MTA3: variants seen among roughly 807,000 people sequenced by gnomAD.
MTA3 encodes metastasis-associated protein MTA3.
A neutral mutation model predicts 83.5 loss-of-function variants in MTA3; 34 were observed. That is an observed-to-expected ratio of 0.41 (90% CI 0.31 to 0.54). The LOEUF (loss-of-function observed/expected upper bound fraction) is 0.54, where lower values mean the gene tolerates loss of function less well. MTA3 is among the 20% of genes least tolerant of loss of function. The pLI, the probability that MTA3 is intolerant of heterozygous loss-of-function variation, is 0.33. For synonymous variants in MTA3, 303 were observed against 252.7 expected, an observed-to-expected ratio of 1.20 and a Z score of -1.89; for missense variants, 761 against 726.4, an observed-to-expected ratio of 1.05 and a Z score of -0.55.
chr2:42,742,130 C>T (rs1971138), intron 16 of MTA3, among the ~76,000 whole-genome samples: 95,722 of 149,784 alleles, frequency 0.64, 30,615 homozygotes, highest in East Asian at 0.79. Flanking sequence ...CCATCACTTT[C>T]TTTCTTTCTT....
At chr2:42,702,140 G>T (rs933791749) in intron 11 of MTA3, among the ~76,000 whole-genome samples, 6 of 152,208 alleles carry the variant, frequency 3.9e-5, no homozygotes, top group African/African-American at 1.4e-4. Context: ...GAACCTGGGA[G>T]GTGGAGGTTG....
At chr2:42,669,662 A>T (rs1690619425) in intron 8 of MTA3, among the ~76,000 whole-genome samples, 1 of 152,182 alleles carries the variant, frequency 6.6e-6, no homozygotes, top group Admixed American at 6.5e-5. Flanking sequence ...TTTGTTGATG[A>T]TCTATTACAG....
chr2:42,749,916 C>G (rs186613665), intron 16 of MTA3, among the ~76,000 whole-genome samples: 1 of 152,196 alleles, frequency 6.6e-6, no homozygotes, highest in African/African-American at 2.4e-5. Flanking sequence ...GAAAAAACAA[C>G]ATACTATGTA....
chr2:42,710,522 G>A (rs954184118), intron 14 of MTA3, among the ~76,000 whole-genome samples: 1 of 132,198 alleles, frequency 7.6e-6, no homozygotes, highest in African/African-American at 2.9e-5. Context: ...TTGCGCTCCA[G>A]CCTGGGCAAT....
chr2:42,539,781 C>G (rs1176989449), intron 2 of MTA3, among the ~76,000 whole-genome samples: 1 of 151,902 alleles, frequency 6.6e-6, no homozygotes, highest in Non-Finnish European at 1.5e-5. Context: ...CTATGTTGCC[C>G]AGGCTGGTCT....
chr2:42,563,969 G>C (rs781500950), upstream of MTA3, among the ~76,000 whole-genome samples: 8 of 152,200 alleles, frequency 5.3e-5, no homozygotes, highest in African/African-American at 1.9e-4. Flanking sequence ...AATTACAGGC[G>C]TGTGCCACCA....
intron 13 of MTA3, among the ~76,000 whole-genome samples, chr2:42,708,268 C>T (rs552223984): frequency 1.3e-5 from 2 of 152,232 alleles, no homozygotes; most frequent in East Asian, 3.9e-4. Flanking sequence ...GACAAAAAAA[C>T]AATGAGTGTG....
intron 6 of MTA3, among the ~76,000 whole-genome samples, chr2:42,648,039 C>T (rs1163216344): frequency 2.0e-5 from 3 of 152,198 alleles, no homozygotes; most frequent in Non-Finnish European, 4.4e-5. Context: ...CAGGGTTTCG[C>T]CGTGTTGGCC....
At chr2:42,593,812 C>T (rs902848895) in intron 3 of MTA3, among the ~76,000 whole-genome samples, 5 of 152,078 alleles carry the variant, frequency 3.3e-5, no homozygotes, top group Non-Finnish European at 2.9e-5. Context: ...GACCCCATCT[C>T]TATAAAAAAT....
chr2:42,597,423 T>C (rs1226986177), intron 3 of MTA3, among the ~76,000 whole-genome samples: 1 of 147,122 alleles, frequency 6.8e-6, no homozygotes, highest in Non-Finnish European at 1.5e-5. Context: ...TCTTGCTGTG[T>C]TGGCCAGGCT....
intron 6 of MTA3, among the ~76,000 whole-genome samples, chr2:42,646,060 C>A (rs1319511943): frequency 6.6e-6 from 1 of 152,224 alleles, no homozygotes; most frequent in Non-Finnish European, 1.5e-5. Context: ...AAGAATTACA[C>A]TAAATCTGCT....
rs537388168 is a variant in MTA3, at chr2:42,522,320, G to A, written c.-141+27066G>A. Among the ~76,000 whole-genome samples, 8 of 152,318 alleles carry A rather than the reference G, an allele frequency of 5.3e-5. No individual in the cohort carries two copies. In the East Asian group the frequency reaches 1.5e-3, roughly 29 times the overall value. On this transcript the variant is annotated intron_variant, in intron 2 of 17. Transcript: ENST00000405592. ...GACCTGTGTCAAGGGTACAATCAGA[G>A]CACTGTGGCATCCCTGGGAGGGTAG...
chr2:42,729,394 C>T (rs773267927), intron 16 of MTA3, among the ~76,000 whole-genome samples: 8 of 152,094 alleles, frequency 5.3e-5, no homozygotes, highest in Non-Finnish European at 1.2e-4. Flanking sequence ...AGCCACTGCG[C>T]CCAGCCCAGA....
intron 16 of MTA3, among the ~76,000 whole-genome samples, chr2:42,730,188 A>G (rs1668144200): frequency 6.6e-6 from 1 of 151,956 alleles, no homozygotes; most frequent in African/African-American, 2.4e-5. Flanking sequence ...TTGACTCCTT[A>G]TTTTCCAATT....
At chr2:42,600,687 T>G (rs1335899809) in intron 3 of MTA3, among the ~76,000 whole-genome samples, 1 of 151,878 alleles carries the variant, frequency 6.6e-6, no homozygotes, top group Non-Finnish European at 1.5e-5. Context: ...ATTACAGGGA[T>G]GCGCCACCAC....
At chr2:42,622,935 A>G (rs1685723221) in intron 4 of MTA3, among the ~76,000 whole-genome samples, 1 of 152,248 alleles carries the variant, frequency 6.6e-6, no homozygotes, top group African/African-American at 2.4e-5. Flanking sequence ...AAGATACGGT[A>G]TATTAGTAAG....
At chr2:42,710,686 A>C (rs1666531877) in intron 14 of MTA3, among the ~76,000 whole-genome samples, 1 of 152,068 alleles carries the variant, frequency 6.6e-6, no homozygotes, top group African/African-American at 2.4e-5. Context: ...TTGAGACCTC[A>C]TGGACTTACG....
chr2:42,589,593 C>G (rs1257539580), intron 3 of MTA3, among the ~76,000 whole-genome samples: 2 of 152,118 alleles, frequency 1.3e-5, no homozygotes, highest in African/African-American at 4.8e-5. Context: ...TGCTCTTTCA[C>G]CCAGGCTGGC....
intron 3 of MTA3, among the ~76,000 whole-genome samples, chr2:42,596,188 G>A (rs904398354): frequency 1.3e-5 from 2 of 152,166 alleles, no homozygotes; most frequent in African/African-American, 4.8e-5. Flanking sequence ...CATAGCCCAT[G>A]GCTTTTTGTT....
Sources: allele counts gnomAD v4.1 joint callset (sites outside exome capture counted in the v4.1 genomes callset), GRCh38; gene constraint gnomAD v4.1.1; transcripts MANE v1.5; gene names NCBI Gene and HGNC (gene_info 2026-07-23, HGNC 2026-07-21).